EXOC4: variants seen among roughly 807,000 people sequenced by gnomAD.
EXOC4 encodes SEC8-like 1.
In EXOC4, 71 loss-of-function variants were observed where a neutral mutation model predicts 107.2. The observed-to-expected ratio is 0.66, with a 90% CI of 0.55 to 0.81. EXOC4 has a LOEUF of 0.81. Ranked by LOEUF, EXOC4 falls within the 30% of genes least tolerant of loss-of-function variation. The pLI is 0.00. For missense variants in EXOC4, 1,108 were observed against 1,189.6 expected (o/e 0.93, Z 1.01); for synonymous variants, 456 against 441.2 (o/e 1.03, Z -0.42).
chr7:133,450,995 G>A (rs370330582), intron 7 of EXOC4, among the ~76,000 whole-genome samples: 19 of 152,284 alleles, frequency 1.2e-4, no homozygotes, highest in East Asian at 1.2e-3. Flanking sequence ...CTATGTGGTC[G>A]TGAACGGTTG....
chr7:133,994,604 A>C (rs1794340076), intron 14 of EXOC4, among the ~76,000 whole-genome samples: 1 of 152,218 alleles, frequency 6.6e-6, no homozygotes, highest in South Asian at 2.1e-4. Context: ...ATCCATCCCT[A>C]GTATTAGGAA....
chr7:133,990,587 CT>C (rs1175016716), intron 14 of EXOC4, among the ~76,000 whole-genome samples: 1 of 152,094 alleles, frequency 6.6e-6, no homozygotes, highest in African/African-American at 2.4e-5. Context: ...TCCTGAGTAG[CT>C]AGGATTACAG....
At chr7:133,667,281 T>C (rs1158812747) in intron 10 of EXOC4, among the ~76,000 whole-genome samples, 1 of 152,186 alleles carries the variant, frequency 6.6e-6, no homozygotes, top group East Asian at 1.9e-4. Context: ...CTAACCTGCT[T>C]GCTGCAAGAG....
chr7:133,649,107 A>G (rs940665488), intron 10 of EXOC4, among the ~76,000 whole-genome samples: 1 of 152,096 alleles, frequency 6.6e-6, no homozygotes. Context: ...TTGAGCTATT[A>G]TTTTAAAATA....
At chr7:133,522,619 T>G (rs1438643565) in intron 9 of EXOC4, among the ~76,000 whole-genome samples, 1 of 152,136 alleles carries the variant, frequency 6.6e-6, no homozygotes, top group Non-Finnish European at 1.5e-5. Context: ...CTATCTTTGT[T>G]TTCAACTGAA....
At position 133,627,298 on chromosome 7, in the gene EXOC4, G is replaced by A. The variant is rs140317305; in HGVS notation, c.1418-2747G>A. Among the ~76,000 whole-genome samples the A allele has an allele frequency of 1.6e-3, 241 of 152,286 alleles. 2 individuals are homozygous for A. The highest frequency in any genetic ancestry group is 5.6e-3 in the African/African-American group (231 of 41,548). ...CAGTGTGGCTGAGGCATAGAGGTGCGCATGCATAGAGCGCAACTATACATG... is the reference window on the plus strand; with the variant it reads ...CAGTGTGGCTGAGGCATAGAGGTGCACATGCATAGAGCGCAACTATACATG... On this transcript the variant is annotated intron_variant, in intron 9 of 17. Coordinates refer to ENST00000253861, the MANE Select transcript of EXOC4 (RefSeq NM_021807.4).
At position 133,604,710 on chromosome 7, in the gene EXOC4, C is replaced by CTTTTTTTT. The variant is rs61548710; in HGVS notation, c.1418-25311_1418-25304dup. On this transcript the variant is annotated intron_variant, in intron 9 of 17. Coordinates refer to ENST00000253861, the MANE Select transcript of EXOC4 (RefSeq NM_021807.4). ...TCTTTCCTTCCTTCCTTCCTTCTTT[C>CTTTTTTTT]TTTTTTTTTTTTTTTTTTTTTTTTT... Among the ~76,000 whole-genome samples, 110 of 50,276 alleles carry CTTTTTTTT rather than the reference C, an allele frequency of 2.2e-3. 2 individuals are homozygous for CTTTTTTTT. The highest frequency in any genetic ancestry group is 3.5e-3 in the African/African-American group (45 of 12,864). The allele number at this position is 50,276 out of a possible 152,430, so 33.0% of individuals were successfully genotyped here.
intron 14 of EXOC4, among the ~76,000 whole-genome samples, chr7:133,945,537 A>G (rs1291390576): frequency 1.3e-5 from 2 of 152,188 alleles, no homozygotes; most frequent in African/African-American, 4.8e-5. Flanking sequence ...AATCTGATTA[A>G]CAACAAAAAT....
At chr7:133,582,793 A>T (rs574302380) in intron 9 of EXOC4, among the ~76,000 whole-genome samples, 1 of 152,358 alleles carries the variant, frequency 6.6e-6, no homozygotes, top group Non-Finnish European at 1.5e-5. Flanking sequence ...CTGTTTCTCA[A>T]GCAATCAGAA....
intron 10 of EXOC4, 89 bp from the exon 11 acceptor site, chr7:133,817,236 C>G: frequency 1.2e-6 from 1 of 854,412 alleles, no homozygotes; most frequent in Non-Finnish European, 1.9e-6. Context: ...ACAGAAATAG[C>G]CAACACTAGA....
chr7:133,462,221 AC>A (rs753496830), intron 7 of EXOC4, among the ~76,000 whole-genome samples: 8 of 152,158 alleles, frequency 5.3e-5, no homozygotes, highest in Non-Finnish European at 8.8e-5. Flanking sequence ...GTAGGTGGAA[AC>A]CAGAAAAAAC....
intron 17 of EXOC4, among the ~76,000 whole-genome samples, chr7:134,024,042 C>T (rs1291157612): frequency 6.6e-6 from 1 of 152,194 alleles, no homozygotes; most frequent in East Asian, 1.9e-4. Context: ...GGCTGGACCA[C>T]ACCTTACAGG....
intron 12 of EXOC4, among the ~76,000 whole-genome samples, chr7:133,906,423 G>A (rs1410497146): frequency 3.9e-5 from 6 of 152,150 alleles, no homozygotes; most frequent in South Asian, 4.1e-4. Flanking sequence ...GCTCACACCC[G>A]ACCAATCAGG....
chr7:133,935,596 T>G (rs1800281559), intron 13 of EXOC4, among the ~76,000 whole-genome samples: 1 of 152,190 alleles, frequency 6.6e-6, no homozygotes, highest in African/African-American at 2.4e-5. Context: ...TGCTCACTCT[T>G]ACCTAAATTC....
intron 9 of EXOC4, among the ~76,000 whole-genome samples, chr7:133,500,617 TG>T (rs1338868539): frequency 1.3e-5 from 2 of 152,310 alleles, no homozygotes; most frequent in East Asian, 3.9e-4. Flanking sequence ...TGCAGGTCTC[TG>T]TGTGGGACAG....
At chr7:133,494,521 G>A (rs1253288132) in intron 9 of EXOC4, among the ~76,000 whole-genome samples, 1 of 152,182 alleles carries the variant, frequency 6.6e-6, no homozygotes, top group East Asian at 1.9e-4. Context: ...CTAGATTATA[G>A]GAATGTTATT....
intron 6 of EXOC4, among the ~76,000 whole-genome samples, chr7:133,358,953 G>C (rs962746307): frequency 6.6e-6 from 1 of 152,096 alleles, no homozygotes; most frequent in African/African-American, 2.4e-5. Context: ...TCGTTTGTCC[G>C]TATTTTAGAA....
chr7:133,584,834 C>T (rs1435715231), intron 9 of EXOC4, among the ~76,000 whole-genome samples: 1 of 152,112 alleles, frequency 6.6e-6, no homozygotes, highest in Non-Finnish European at 1.5e-5. Context: ...CCGTCTTGGC[C>T]TCCCGTGCTG....
At chr7:133,829,205 G>T (rs1797760497) in intron 11 of EXOC4, among the ~76,000 whole-genome samples, 1 of 152,198 alleles carries the variant, frequency 6.6e-6, no homozygotes, top group South Asian at 2.1e-4. Context: ...AATGAAAGGA[G>T]AATGAGAAAT....
Sources: gnomAD v4.1 joint callset for allele counts (sites outside exome capture counted in the v4.1 genomes callset) on GRCh38, gnomAD v4.1.1 for gene constraint, MANE v1.5 for transcripts, NCBI Gene and HGNC (gene_info 2026-07-23, HGNC 2026-07-21) for gene names.